LIPA: variants seen among roughly 807,000 people sequenced by gnomAD.
The protein encoded by LIPA is lipase A, lysosomal acid type.
Under a neutral mutation model 40.6 loss-of-function variants are expected in LIPA, and 26 were observed. The observed-to-expected ratio is 0.64, with a 90% confidence interval of 0.47 to 0.89. The LOEUF is 0.89. LIPA is among the 40% of genes least tolerant of loss of function. The pLI is 0.00. For synonymous variants in LIPA, 188 were observed against 168.4 expected (o/e 1.12, Z -0.90); for missense variants, 455 against 479.6 (o/e 0.95, Z 0.48).
At chr10:89,383,621 G>C (rs753741480) in intron 2 of LIPA, 3 of 1,614,222 alleles carry the variant, frequency 1.9e-6, no homozygotes, top group East Asian at 4.5e-5. Context: ...AACTTTGCCT[G>C]GGTGTATTAC....
chr10:89,283,187 C>T (rs1250001199), intron 1 of LIPA, among the ~76,000 whole-genome samples: 7 of 152,192 alleles, frequency 4.6e-5, no homozygotes, highest in South Asian at 2.1e-4. Flanking sequence ...TTTGGCCAAT[C>T]AAAGGTGGCC....
upstream of LIPA, among the ~76,000 whole-genome samples, chr10:89,345,783 A>G (rs888332596): frequency 6.6e-6 from 1 of 152,242 alleles, no homozygotes; most frequent in African/African-American, 2.4e-5. Context: ...TGGAAAATCA[A>G]CAGAGATATT....
At chr10:89,317,448 A>G (rs1843547340) in intron 1 of LIPA, among the ~76,000 whole-genome samples, 1 of 152,248 alleles carries the variant, frequency 6.6e-6, no homozygotes, top group African/African-American at 2.4e-5. Context: ...CAATTCATCA[A>G]CTGGAAGAAA....
Position 89,247,658 on chromosome 10 carries a change from T to A in LIPA, c.-1-9A>T. 1 of 1,540,214 alleles carries A rather than the reference T, an allele frequency of 6.5e-7. No individual in the cohort carries two copies. The highest frequency in any genetic ancestry group is 9.0e-7 in the Non-Finnish European group (1 of 1,112,866). ...AGAACCGCATTTTCATTCTGTATAA[T>A]AAAACAGTCTATTATTATTTGCTTG... is the stretch of plus-strand genomic sequence containing the variant. On this transcript the variant is annotated splice_polypyrimidine_tract_variant and intron_variant, in intron 1 of 9. Transcript: ENST00000336233.
At chr10:89,309,962 C>T (rs934464924) in intron 1 of LIPA, among the ~76,000 whole-genome samples, 2 of 152,162 alleles carry the variant, frequency 1.3e-5, no homozygotes, top group African/African-American at 4.8e-5. Context: ...CTCATGAACC[C>T]GTTTATCAGA....
intron 1 of LIPA, among the ~76,000 whole-genome samples, chr10:89,303,720 T>A (rs1048243130): frequency 1.3e-5 from 2 of 152,228 alleles, no homozygotes; most frequent in African/African-American, 4.8e-5. Flanking sequence ...TTCTATTTAC[T>A]CTCTCTGTTT....
rs1049294339 is a variant in LIPA at position 89,360,996 on chromosome 10, G to A, written c.61+51795C>T. Among the ~76,000 whole-genome samples the A allele has an allele frequency of 3.2e-4, 48 of 152,050 alleles. 2 individuals are homozygous for A. Among genetic ancestry groups the A allele is most frequent in the Admixed American group, 1.7e-3 (26 of 15,276 alleles). ...CCTTGTGTTTTTATATCTTCCCTCC[G>A]TGTGTGCCTGACTCTGTCTCATTTC... On this transcript the variant is annotated intron_variant, in intron 2 of 8. Coordinates refer to the LIPA transcript ENST00000371837.
intron 1 of LIPA, among the ~76,000 whole-genome samples, chr10:89,260,337 G>T (rs1767497512): frequency 1.3e-5 from 2 of 152,200 alleles, no homozygotes; most frequent in African/African-American, 4.8e-5. Context: ...TCTCCTAAGG[G>T]TTGCAGATTC....
intron 1 of LIPA, among the ~76,000 whole-genome samples, chr10:89,299,022 TA>T (rs1431960857): frequency 1.3e-5 from 2 of 150,762 alleles, no homozygotes; most frequent in Non-Finnish European, 3.0e-5. Context: ...TATGTATATA[TA>T]AAAAATACTA....
intron 5 of LIPA, 26 bp from the exon 6 acceptor site, chr10:89,225,254 G>T: frequency 6.2e-7 from 1 of 1,613,890 alleles, no homozygotes; most frequent in South Asian, 1.1e-5. Flanking sequence ...ACAGAAAACA[G>T]GAATTCCATC....
intron 1 of LIPA, among the ~76,000 whole-genome samples, chr10:89,302,621 T>A (rs1843452379): frequency 6.6e-6 from 1 of 152,228 alleles, no homozygotes; most frequent in South Asian, 2.1e-4. Context: ...TTACTTTTAA[T>A]GTAGTTCTTC....
chr10:89,344,934 G>A (rs1183742933), upstream of LIPA, among the ~76,000 whole-genome samples: 2 of 152,140 alleles, frequency 1.3e-5, no homozygotes, highest in African/African-American at 4.8e-5. Context: ...TTGGGAGGCC[G>A]AGGCAGGTGT....
At chr10:89,350,433 G>A (rs1456235977) in intron 2 of LIPA, among the ~76,000 whole-genome samples, 2 of 151,752 alleles carry the variant, frequency 1.3e-5, no homozygotes, top group Non-Finnish European at 2.9e-5. Flanking sequence ...AGCCTCCCGA[G>A]TAGCTGAGAC....
chr10:89,219,433 T>G (rs1476751077), intron 8 of LIPA, among the ~76,000 whole-genome samples: 1 of 152,156 alleles, frequency 6.6e-6, no homozygotes, highest in Non-Finnish European at 1.5e-5. Context: ...TCTGGGGAGC[T>G]CCGAAATTCA....
intron 1 of LIPA, among the ~76,000 whole-genome samples, chr10:89,258,072 C>T (rs1843189742): frequency 6.6e-6 from 1 of 152,032 alleles, no homozygotes; most frequent in Admixed American, 6.6e-5. Context: ...CAAGATCAGC[C>T]CTAAGTTAAG....
chr10:89,361,875 CTTTTTTTTTTTTTT>C (rs59818683), intron 2 of LIPA, among the ~76,000 whole-genome samples: 5 of 40,410 alleles, frequency 1.2e-4, no homozygotes, highest in Non-Finnish European at 2.4e-4. Context: ...CTCCACCTGC[CTTTTTTTTTTTTTT>C]TTTTTTTTTT....
chr10:89,393,152 C>G (rs1844282431), intron 2 of LIPA: 1 of 1,291,514 alleles, frequency 7.7e-7, no homozygotes. Flanking sequence ...AATGTGAAAG[C>G]CTCAGTCTTG....
At chr10:89,351,955 T>C (rs1843961548) in intron 2 of LIPA, among the ~76,000 whole-genome samples, 1 of 152,134 alleles carries the variant, frequency 6.6e-6, no homozygotes, top group South Asian at 2.1e-4. Flanking sequence ...CACAAGCAAC[T>C]GAACATAATA....
intron 1 of LIPA, among the ~76,000 whole-genome samples, chr10:89,413,693 G>A (rs1841497562): frequency 6.7e-6 from 1 of 150,084 alleles, no homozygotes; most frequent in Non-Finnish European, 1.5e-5. Context: ...CTTGAGCCAT[G>A]AAGGTTGAGG....
Sources: allele counts gnomAD v4.1 joint callset (sites outside exome capture counted in the v4.1 genomes callset), GRCh38; gene constraint gnomAD v4.1.1; transcripts MANE v1.5; gene names NCBI Gene and HGNC (gene_info 2026-07-23, HGNC 2026-07-21).